The following DENND5A variants were observed in gnomAD, a reference collection of about 807,000 sequenced individuals.
DENND5A encodes the protein DENN domain-containing protein 5A.
Under a neutral mutation model 140.3 loss-of-function variants are expected in DENND5A, and 64 were observed. The observed-to-expected ratio is 0.46, with a 90% CI of 0.37 to 0.56. The LOEUF (loss-of-function observed/expected upper bound fraction) is 0.56, where lower values mean the gene tolerates loss of function less well. Ranked by LOEUF, DENND5A falls within the 20% of genes least tolerant of loss-of-function variation. The pLI is 0.00. For synonymous variants in DENND5A, 605 were observed against 607.7 expected (o/e 1.00, Z 0.07); for missense variants, 1,292 against 1,593.8 (o/e 0.81, Z 3.22).
chr11:9,220,890 C>G (rs1335694745), intron 1 of DENND5A, among the ~76,000 whole-genome samples: 1 of 149,640 alleles, frequency 6.7e-6, no homozygotes, highest in Non-Finnish European at 1.5e-5. Context: ...GAGACTCTGT[C>G]TCAAAAAAAA....
chr11:9,199,567 T>C (rs1426170998), intron 4 of DENND5A, among the ~76,000 whole-genome samples: 1 of 152,162 alleles, frequency 6.6e-6, no homozygotes, highest in Non-Finnish European at 1.5e-5. Context: ...TAATTCTATA[T>C]GGACTAAAGA....
At position 9,161,801 on chromosome 11, in the gene DENND5A, A is replaced by G. The variant is rs1016577286; in HGVS notation, c.2284-936T>C. On this transcript the variant is annotated intron_variant, in intron 11 of 22. Transcript: ENST00000328194. Reference sequence around the variant, plus strand: ...CAATTTACCAATACGGAAATTGAGAAATACAGTAATCAATATACTAAATTT... The same window carrying G: ...CAATTTACCAATACGGAAATTGAGAGATACAGTAATCAATATACTAAATTT... Among the ~76,000 whole-genome samples, 38 of 152,136 alleles carry G rather than the reference A, an allele frequency of 2.5e-4. 1 individual carries two copies. The highest frequency in any genetic ancestry group is 6.6e-5 in the Admixed American group (1 of 15,260).
intron 1 of DENND5A, among the ~76,000 whole-genome samples, chr11:9,241,322 C>T (rs911215722): frequency 6.6e-6 from 1 of 152,106 alleles, no homozygotes; most frequent in East Asian, 1.9e-4. Context: ...GGTTTCTAGG[C>T]CCCATCCCCA....
At position 9,203,899 on chromosome 11, in the gene DENND5A, G is replaced by A; in HGVS notation, c.710C>T (p.Pro237Leu). 6.2e-7 allele frequency: 1 copy of A among 1,614,176 alleles called. No homozygotes were observed. Among genetic ancestry groups the A allele is most frequent in the Admixed American group, 1.7e-5 (1 of 60,014 alleles). ...HQAVTSPQPP[P>L]LPLESYIYNV... ...GTATATGTAGCTCTCAAGGGGCAGT[G>A]GAGGGGGCTGAGGTGAAGTGACTGC... Residue 237 changes from proline to leucine, a missense_variant, in exon 4 of 23, where the codon CCA (proline) becomes CTA (leucine). This residue lies in a region of DENND5A where 566 missense variants were observed against 650.4 expected (regional missense o/e 0.87). Coordinates refer to ENST00000328194, the MANE Select transcript of DENND5A (RefSeq NM_015213.4).
chr11:9,243,092 A>AAAC (rs1851307966), intron 1 of DENND5A, among the ~76,000 whole-genome samples: 1 of 146,736 alleles, frequency 6.8e-6, no homozygotes. Context: ...TGTCTCAAAA[A>AAAC]AAAAAAAAAA....
Position 9,179,064 on chromosome 11 carries a change from G to C in DENND5A, c.1465C>G (p.Arg489Gly). Residue 489 changes from arginine (R) to glycine (G), a missense_variant, in exon 7 of 23, where the codon CGT becomes GGT. By Grantham distance (125) the Arg-to-Gly change is moderately radical. Transcript: ENST00000328194. ...TGVSLEKLEVREDPSSNKDLK... is the reference protein window; with the variant it reads ...TGVSLEKLEVGEDPSSNKDLK... ...TCCTTATTGCTGCTGGGGTCTTCAC[G>C]CACTTCCAACTACAAAAAAAGAAAA... 6.2e-7 allele frequency: 1 copy of C among 1,613,736 alleles called. No individual in the cohort carries two copies. Among genetic ancestry groups the C allele is most frequent in the Non-Finnish European group, 8.5e-7 (1 of 1,179,830 alleles).
chr11:9,251,881 C>T (rs550267381), intron 1 of DENND5A, among the ~76,000 whole-genome samples: 3 of 151,854 alleles, frequency 2.0e-5, no homozygotes, highest in South Asian at 2.1e-4. Context: ...CTCAGCTACT[C>T]GGGAGGCTGA....
chr11:9,242,502 G>T (rs1384247773), intron 1 of DENND5A: 1 of 152,182 alleles, frequency 6.6e-6, no homozygotes, highest in Admixed American at 6.6e-5. Context: ...CACTAAGTTG[G>T]TCTTTCAATA....
chr11:9,165,882 G>T lies in DENND5A; in HGVS notation c.2237C>A (p.Thr746Asn), dbSNP rs1187057817. ...SNLSPSVIAQ[T>N]NWKFVEGLLK... ...CAGGCCCTCTACAAACTTCCAATTG[G>T]TCTGGGCAATCACTGATGGAGAGAG... The change falls in exon 11 of 23, where the codon ACC becomes AAC. Residue 746 changes from threonine (T) to asparagine (N), a missense_variant. Thr to Asn is a moderately conservative substitution (Grantham distance 65, BLOSUM62 0). This residue lies in a region of DENND5A where 498 missense variants were observed against 689.7 expected (regional missense o/e 0.72). Coordinates refer to ENST00000328194, the MANE Select transcript of DENND5A (RefSeq NM_015213.4). 1 of 1,614,088 alleles carries T rather than the reference G, an allele frequency of 6.2e-7. No homozygotes were observed. Among genetic ancestry groups the T allele is most frequent in the African/African-American group, 1.3e-5 (1 of 75,036 alleles).
At chr11:9,258,335 T>C (rs1019796784) in intron 1 of DENND5A, among the ~76,000 whole-genome samples, 2 of 150,456 alleles carry the variant, frequency 1.3e-5, no homozygotes, top group Admixed American at 6.6e-5. Context: ...ATCCATGTGT[T>C]CTCATTGTTC....
intron 22 of DENND5A, among the ~76,000 whole-genome samples, chr11:9,141,038 C>T (rs1435742148): frequency 6.6e-6 from 1 of 152,024 alleles, no homozygotes; most frequent in African/African-American, 2.4e-5. Context: ...AGGCAGGAGA[C>T]TCACTTGAAC....
At chr11:9,213,019 T>C (rs1198166388) in intron 1 of DENND5A, among the ~76,000 whole-genome samples, 2 of 151,386 alleles carry the variant, frequency 1.3e-5, no homozygotes, top group African/African-American at 2.4e-5. Flanking sequence ...TTTTTTTTTT[T>C]TGAGACAGAG....
At chr11:9,235,844 A>T (rs754153296) in intron 1 of DENND5A, among the ~76,000 whole-genome samples, 7 of 152,176 alleles carry the variant, frequency 4.6e-5, no homozygotes, top group African/African-American at 7.2e-5. Context: ...GTAACTGTTT[A>T]ATGAGTGCAG....
At chr11:9,169,809 C>T (rs1224189794) in intron 10 of DENND5A, 47 bp downstream of exon 10, 2 of 1,145,198 alleles carry the variant, frequency 1.7e-6, no homozygotes, top group South Asian at 1.2e-5. Flanking sequence ...AGAAGGAGTG[C>T]ACAGCATGAT....
chr11:9,173,842 C>CGCCTGTA (rs1197185649), intron 8 of DENND5A, among the ~76,000 whole-genome samples: 1 of 152,116 alleles, frequency 6.6e-6, no homozygotes, highest in Non-Finnish European at 1.5e-5. Context: ...CAGTGGCTCA[C>CGCCTGTA]GCCTGTAATC....
chr11:9,247,747 T>C (rs920849801), intron 1 of DENND5A, among the ~76,000 whole-genome samples: 18 of 152,136 alleles, frequency 1.2e-4, no homozygotes, highest in Non-Finnish European at 7.4e-5. Context: ...TAAATATCTC[T>C]TTTCAGACCT....
rs1392874056 is a variant in DENND5A, at chr11:9,142,090, T to C, written c.3530A>G (p.Tyr1177Cys). ...TACTTCATTCTTCTCTAATGTCTCA[T>C]AATAGGTTTGTGCTTTTTCTGTGAA... is the stretch of plus-strand genomic sequence containing the variant. ...WDFLEKAQTY[Y>C]ETLEKNEVVP... Residue 1177 changes from tyrosine to cysteine, a missense_variant, in exon 22 of 23, where the codon TAT becomes TGT. Physicochemically the swap from Tyr to Cys is radical, Grantham distance 194 (BLOSUM62 -2). This residue lies in a region of DENND5A where 498 missense variants were observed against 689.7 expected (regional missense o/e 0.72). Transcript: ENST00000328194. 6.3e-7 allele frequency: 1 copy of C among 1,596,380 alleles called. No individual in the cohort carries two copies.
intron 5 of DENND5A, among the ~76,000 whole-genome samples, chr11:9,186,026 T>A (rs964425596): frequency 6.6e-6 from 1 of 152,222 alleles, no homozygotes; most frequent in African/African-American, 2.4e-5. Context: ...ATATAACTAT[T>A]TCATAAACTC....
Position 9,150,817 on chromosome 11 carries a change from G to C in DENND5A, c.2522-53C>G, listed in dbSNP as rs1847590542. On this transcript the variant is annotated intron_variant, in intron 13 of 22. Coordinates refer to ENST00000328194, the MANE Select transcript of DENND5A (RefSeq NM_015213.4). ...AAGAGATCTGAATATCCAAATAGCTGACTGCCCTTCCCTTACCTTAAATCA... is the reference window on the plus strand; with the variant it reads ...AAGAGATCTGAATATCCAAATAGCTCACTGCCCTTCCCTTACCTTAAATCA... The C allele has an allele frequency of 5.8e-6, 7 of 1,205,834 alleles. No individual in the cohort carries two copies. The Admixed American group carries it at 1.2e-4, about 21-fold the overall frequency. The allele number at this position is 1,205,834 out of a possible 1,614,324, so 74.7% of individuals were successfully genotyped here. A position where few individuals can be genotyped will look rare whatever the true frequency, so the allele number is the denominator to read the frequency against.
Sources: gnomAD v4.1 joint callset for allele counts (sites outside exome capture counted in the v4.1 genomes callset) on GRCh38, gnomAD v4.1.1 for gene constraint, gnomAD v4.1.1 regional missense constraint, MANE v1.5 for transcripts, NCBI Gene and HGNC (gene_info 2026-07-23, HGNC 2026-07-21) for gene names.